Variants in ZRANB3 observed in about 807,000 individuals in gnomAD.
ZRANB3 encodes the protein zinc finger RANBP2-type containing 3, also known as DNA annealing helicase and endonuclease ZRANB3.
A neutral mutation model predicts 133.8 loss-of-function variants in ZRANB3; 125 were observed. The ratio of observed to expected loss-of-function variants is 0.93; its 90% CI spans 0.81 to 1.08. The LOEUF (loss-of-function observed/expected upper bound fraction) is 1.08. ZRANB3 is among the 50% of genes least tolerant of loss of function. The pLI, the probability that ZRANB3 is intolerant of heterozygous loss-of-function variation, is 0.00. For missense variants in ZRANB3, 1,229 were observed against 1,275.5 expected, an observed-to-expected ratio of 0.96 and a Z score of 0.56; for synonymous variants, 387 against 432.7, an observed-to-expected ratio of 0.89 and a Z score of 1.31.
At chr2:135,311,733 G>C (rs1348228847) in intron 8 of ZRANB3, among the ~76,000 whole-genome samples, 3 of 152,082 alleles carry the variant, frequency 2.0e-5, no homozygotes, top group African/African-American at 4.8e-5. Context: ...CTGGGTGACA[G>C]AGCAAGACTC....
In ZRANB3 at chr2:135,319,562, T is replaced by C. The variant is rs949051163; in HGVS notation, c.678-4032A>G. Among the ~76,000 whole-genome samples, 5 of 152,180 alleles carry C rather than the reference T, an allele frequency of 3.3e-5. No individual in the cohort carries two copies. The South Asian group carries it at 1.0e-3, about 32-fold the overall frequency. On this transcript the variant is annotated intron_variant, in intron 6 of 20. Coordinates refer to ENST00000264159, the MANE Select transcript of ZRANB3 (RefSeq NM_032143.4). ...GAAAAAAATCTCTATCAAATTTCTGTCAAATATAAGCTATAAGAATTGAAA... is the reference window on the plus strand; with the variant it reads ...GAAAAAAATCTCTATCAAATTTCTGCCAAATATAAGCTATAAGAATTGAAA...
chr2:135,214,247 G>A (rs1323623234), intron 17 of ZRANB3, among the ~76,000 whole-genome samples: 2 of 152,106 alleles, frequency 1.3e-5, no homozygotes, highest in African/African-American at 4.8e-5. Context: ...TTATGGCAGC[G>A]ATAGAAAAAT....
At chr2:135,496,554 C>T (rs1338285245) in intron 2 of ZRANB3, among the ~76,000 whole-genome samples, 1 of 152,018 alleles carries the variant, frequency 6.6e-6, no homozygotes, top group Non-Finnish European at 1.5e-5. Context: ...GTATGACTTA[C>T]ATAAATAAGT....
chr2:135,336,889 T>C (rs1041497774), intron 6 of ZRANB3, among the ~76,000 whole-genome samples: 10 of 151,850 alleles, frequency 6.6e-5, no homozygotes, highest in African/African-American at 2.4e-4. Flanking sequence ...CTGCAACAAT[T>C]ACAATTAAGG....
intron 18 of ZRANB3, 102 bp from the exon 19 acceptor site, chr2:135,207,938 T>A: frequency 9.0e-7 from 1 of 1,113,988 alleles, no homozygotes; most frequent in Non-Finnish European, 1.2e-6. Flanking sequence ...GGATAAATAG[T>A]AAACACAGAT....
chr2:135,458,716 G>A lies in ZRANB3; in HGVS notation c.161+45613C>T, dbSNP rs569795358. Among the ~76,000 whole-genome samples, 8 of 152,160 alleles carry A rather than the reference G, an allele frequency of 5.3e-5. No individual in the cohort carries two copies. The East Asian group carries it at 1.5e-3, about 29-fold the overall frequency. Reference sequence around the variant, plus strand: ...ACAAAAAAGTTTATGAGGAGACACAGAGATCTATTCTAATCCACCCAGTAC... The same window carrying A: ...ACAAAAAAGTTTATGAGGAGACACAAAGATCTATTCTAATCCACCCAGTAC... On this transcript the variant is annotated intron_variant, in intron 2 of 20. Coordinates refer to ENST00000264159, the MANE Select transcript of ZRANB3 (RefSeq NM_032143.4).
At chr2:135,293,807 G>C (rs534129871) in intron 8 of ZRANB3, among the ~76,000 whole-genome samples, 9 of 150,230 alleles carry the variant, frequency 6.0e-5, no homozygotes, top group African/African-American at 1.5e-4. Flanking sequence ...TAGCATGAAG[G>C]GTTGTTGAAT....
intron 6 of ZRANB3, among the ~76,000 whole-genome samples, chr2:135,338,679 C>T (rs149722926): frequency 1.3e-5 from 2 of 152,314 alleles, no homozygotes; most frequent in East Asian, 1.9e-4. Context: ...CAAGATTACA[C>T]AGTATTCCAC....
intron 12 of ZRANB3, among the ~76,000 whole-genome samples, chr2:135,252,771 G>A (rs1679465186): frequency 6.6e-6 from 1 of 152,156 alleles, no homozygotes; most frequent in Admixed American, 6.5e-5. Context: ...TCCAGTTTTA[G>A]ACTAAATTAG....
chr2:135,378,584 A>T (rs1207993295), intron 3 of ZRANB3, among the ~76,000 whole-genome samples: 3 of 152,092 alleles, frequency 2.0e-5, no homozygotes, highest in Non-Finnish European at 4.4e-5. Flanking sequence ...AATTCAGTAT[A>T]AAAAAAGGGG....
intron 1 of ZRANB3, among the ~76,000 whole-genome samples, chr2:135,525,705 G>A (rs1694126052): frequency 6.6e-6 from 1 of 151,882 alleles, no homozygotes; most frequent in Non-Finnish European, 1.5e-5. Context: ...AAAATTAGCC[G>A]GTCATGGTGG....
chr2:135,231,626 C>A (rs1022969230), intron 12 of ZRANB3, among the ~76,000 whole-genome samples: 1 of 151,806 alleles, frequency 6.6e-6, no homozygotes. Context: ...AAAAACAAAC[C>A]CCAAAACAAA....
At chr2:135,392,774 C>A (rs1441658692) in intron 2 of ZRANB3, among the ~76,000 whole-genome samples, 1 of 151,992 alleles carries the variant, frequency 6.6e-6, no homozygotes, top group Non-Finnish European at 1.5e-5. Context: ...ACAACAACAA[C>A]AAATTAAGCA....
intron 14 of ZRANB3, among the ~76,000 whole-genome samples, chr2:135,227,129 T>C (rs1694786382): frequency 2.0e-5 from 3 of 152,248 alleles, no homozygotes; most frequent in Admixed American, 6.5e-5. Flanking sequence ...TCAATCTGTA[T>C]GTTACTATGG....
At chr2:135,328,833 A>C (rs908360138) in intron 6 of ZRANB3, among the ~76,000 whole-genome samples, 1 of 151,976 alleles carries the variant, frequency 6.6e-6, no homozygotes, top group African/African-American at 2.4e-5. Context: ...GCATTTTTTC[A>C]TGTGTCTGTT....
intron 6 of ZRANB3, among the ~76,000 whole-genome samples, chr2:135,323,846 C>A (rs572058396): frequency 1.3e-5 from 2 of 152,110 alleles, no homozygotes; most frequent in South Asian, 4.2e-4. Context: ...CGGCTCACTG[C>A]AACCTCTGCC....
At chr2:135,427,684 G>A (rs1027391076) in intron 2 of ZRANB3, among the ~76,000 whole-genome samples, 2 of 152,126 alleles carry the variant, frequency 1.3e-5, no homozygotes, top group African/African-American at 4.8e-5. Context: ...ATTCTTCACA[G>A]AATTAGAAAG....
intron 12 of ZRANB3, among the ~76,000 whole-genome samples, chr2:135,258,760 T>C (rs1198344715): frequency 6.6e-6 from 1 of 152,186 alleles, no homozygotes; most frequent in Non-Finnish European, 1.5e-5. Context: ...TCATTTAAGA[T>C]GTGCTGCCCC....
At chr2:135,317,441 T>C (rs1465029920) in intron 6 of ZRANB3, among the ~76,000 whole-genome samples, 4 of 152,182 alleles carry the variant, frequency 2.6e-5, no homozygotes, top group African/African-American at 9.7e-5. Context: ...TGTTTGCCAT[T>C]AAAATGGATT....
Sources: allele counts gnomAD v4.1 joint callset (sites outside exome capture counted in the v4.1 genomes callset), GRCh38; gene constraint gnomAD v4.1.1; transcripts MANE v1.5; gene names NCBI Gene and HGNC (gene_info 2026-07-23, HGNC 2026-07-21).